The following PKIA variants were observed in gnomAD, a reference collection of about 807,000 sequenced individuals.
PKIA encodes cAMP-dependent protein kinase inhibitor alpha, also known as PKI-alpha.
Under a neutral mutation model 7.6 loss-of-function variants are expected in PKIA, and 4 were observed. The observed-to-expected ratio is 0.52, with a 90% CI of 0.26 to 1.20. PKIA has a LOEUF of 1.20. PKIA is among the 50% of genes most tolerant of loss of function. The pLI is 0.13. For synonymous variants in PKIA, 21 were observed against 30.7 expected, an observed-to-expected ratio of 0.68 and a Z score of 1.04; for missense variants, 73 against 86.2, an observed-to-expected ratio of 0.85 and a Z score of 0.61.
chr8:78,596,238 GTATT>G (rs2130273755), intron 2 of PKIA, among the ~76,000 whole-genome samples: 2 of 151,188 alleles, frequency 1.3e-5, no homozygotes, highest in African/African-American at 4.8e-5. Flanking sequence ...TTTTTTTATT[GTATT>G]TATTTATTTT....
At chr8:78,598,578 T>TTGC (rs1395426579) in intron 3 of PKIA, 43 bp downstream of exon 3, 17 of 1,527,736 alleles carry the variant, frequency 1.1e-5, no homozygotes, top group Admixed American at 1.0e-4. Context: ...ATGGAATGAT[T>TTGC]TGCGGCATTT....
chr8:78,587,525 G>C (rs917858485), intron 2 of PKIA, among the ~76,000 whole-genome samples: 2 of 152,140 alleles, frequency 1.3e-5, no homozygotes, highest in East Asian at 3.8e-4. Flanking sequence ...CTCAGCAGGG[G>C]TATTGCAAAG....
chr8:78,570,726 T>G (rs1055562128), intron 1 of PKIA, among the ~76,000 whole-genome samples: 1 of 152,260 alleles, frequency 6.6e-6, no homozygotes, highest in South Asian at 2.1e-4. Flanking sequence ...CTCTCTGTTG[T>G]CTTCTTTTTT....
chr8:78,528,362 T>C (rs545457692), intron 1 of PKIA, among the ~76,000 whole-genome samples: 1 of 152,234 alleles, frequency 6.6e-6, no homozygotes, highest in Non-Finnish European at 1.5e-5. Flanking sequence ...AGGCTTATTT[T>C]AACAAATGCC....
At chr8:78,531,462 T>C (rs1806383960) in intron 1 of PKIA, among the ~76,000 whole-genome samples, 1 of 152,154 alleles carries the variant, frequency 6.6e-6, no homozygotes, top group Non-Finnish European at 1.5e-5. Context: ...ATGTTTTGTA[T>C]ATTCATAGAA....
At chr8:78,534,573 G>A (rs1209131287) in intron 1 of PKIA, 1 of 152,040 alleles carries the variant, frequency 6.6e-6, no homozygotes, top group Non-Finnish European at 1.5e-5. Flanking sequence ...TTGAGTTACT[G>A]ATCACATATA....
At chr8:78,527,903 T>G (rs1806287847) in intron 1 of PKIA, among the ~76,000 whole-genome samples, 3 of 152,132 alleles carry the variant, frequency 2.0e-5, no homozygotes, top group African/African-American at 7.2e-5. Context: ...CATGCCATAA[T>G]TTTTTAGTGT....
At chr8:78,516,495 T>A (rs1405882563) in intron 1 of PKIA, 27 bp downstream of exon 1, 1 of 152,372 alleles carries the variant, frequency 6.6e-6, no homozygotes, top group Non-Finnish European at 1.5e-5. Context: ...CGGTGCGCCC[T>A]GGCCGCACTG....
At chr8:78,590,524 A>G (rs887335702) in intron 2 of PKIA, among the ~76,000 whole-genome samples, 1 of 152,114 alleles carries the variant, frequency 6.6e-6, no homozygotes, top group Non-Finnish European at 1.5e-5. Context: ...AACTAAAACA[A>G]CATGTTAAGA....
intron 1 of PKIA, among the ~76,000 whole-genome samples, chr8:78,555,692 A>C (rs1341872335): frequency 6.6e-6 from 1 of 152,026 alleles, no homozygotes; most frequent in African/African-American, 2.4e-5. Context: ...TGGTGAATGC[A>C]AGAAGAATTG....
intron 2 of PKIA, among the ~76,000 whole-genome samples, chr8:78,596,609 C>A (rs935470568): frequency 1.3e-5 from 2 of 152,104 alleles, no homozygotes; most frequent in African/African-American, 4.8e-5. Flanking sequence ...TTCTGCCATT[C>A]TGTGGTTTGT....
At chr8:78,552,329 T>TA (rs34033112) in intron 1 of PKIA, among the ~76,000 whole-genome samples, 3,826 of 137,192 alleles carry the variant, frequency 0.028, 127 homozygotes, top group African/African-American at 0.078. Context: ...ACCATTTTCT[T>TA]AAAAAAAAAA....
intron 1 of PKIA, among the ~76,000 whole-genome samples, chr8:78,536,919 A>G (rs929333708): frequency 6.7e-6 from 1 of 148,692 alleles, no homozygotes; most frequent in Non-Finnish European, 1.5e-5. Context: ...CTACATTTTA[A>G]TCCTGGCATC....
chr8:78,571,831 G>T (rs1807556546), intron 1 of PKIA, among the ~76,000 whole-genome samples: 1 of 152,050 alleles, frequency 6.6e-6, no homozygotes, highest in Non-Finnish European at 1.5e-5. Context: ...GCCTTTCAGG[G>T]TCATCACTGG....
intron 1 of PKIA, among the ~76,000 whole-genome samples, chr8:78,520,711 A>G (rs566691192): frequency 6.6e-6 from 1 of 152,318 alleles, no homozygotes; most frequent in East Asian, 1.9e-4. Context: ...CAAACTTTTG[A>G]TAACTCAGTA....
intron 1 of PKIA, among the ~76,000 whole-genome samples, chr8:78,523,741 G>A (rs775751812): frequency 2.0e-5 from 3 of 151,226 alleles, no homozygotes; most frequent in Non-Finnish European, 3.0e-5. Context: ...AAATTAGTGG[G>A]CATCCAATGG....
Position 78,602,549 on chromosome 8 carries a change from A to C in PKIA, c.*728A>C, listed in dbSNP as rs970125446. 6.6e-6 allele frequency: 1 copy of C among 152,296 alleles called. No homozygotes were observed. Among genetic ancestry groups the C allele is most frequent in the African/African-American group, 2.4e-5 (1 of 41,380 alleles). 9.4% of individuals were successfully genotyped at this position (152,296 alleles called of 1,614,324 possible). ...GTTGATTAAGTCTAACAGATTCATC[A>C]AGACTCCATTGCTTTATTATAGAGA... On this transcript the variant is annotated 3_prime_UTR_variant, in exon 4 of 4. Transcript: ENST00000396418.
intron 2 of PKIA, among the ~76,000 whole-genome samples, chr8:78,594,287 C>T (rs1473024464): frequency 6.6e-6 from 1 of 151,026 alleles, no homozygotes; most frequent in Admixed American, 6.6e-5. Context: ...TGAACCAGCA[C>T]AGCAGCAGAG....
chr8:78,545,576 C>G (rs1806800184), intron 1 of PKIA, among the ~76,000 whole-genome samples: 1 of 152,106 alleles, frequency 6.6e-6, no homozygotes, highest in South Asian at 2.1e-4. Flanking sequence ...TTAGCTTTTA[C>G]TGACATAATA....
Sources: allele counts gnomAD v4.1 joint callset (sites outside exome capture counted in the v4.1 genomes callset), GRCh38; gene constraint gnomAD v4.1.1; transcripts MANE v1.5; gene names NCBI Gene and HGNC (gene_info 2026-07-23, HGNC 2026-07-21).